The following B4GALT6 variants were observed in gnomAD, a reference collection of about 807,000 sequenced individuals.
B4GALT6 encodes UDP-Gal:beta-GlcNAc beta-1,4-galactosyltransferase 6.
A neutral mutation model predicts 46.3 loss-of-function variants in B4GALT6; 14 were observed. That is an observed-to-expected ratio of 0.30 (90% CI 0.20 to 0.47). The LOEUF (loss-of-function observed/expected upper bound fraction) is 0.47, where lower values mean the gene tolerates loss of function less well. B4GALT6 is among the 20% of genes least tolerant of loss of function. B4GALT6 has a pLI of 0.99. For synonymous variants in B4GALT6, 168 were observed against 162.0 expected (o/e 1.04, Z -0.28); for missense variants, 386 against 480.1 (o/e 0.80, Z 1.83).
At chr18:31,633,779 TC>T (rs780191549) in intron 5 of B4GALT6, among the ~76,000 whole-genome samples, 38 of 151,976 alleles carry the variant, frequency 2.5e-4, no homozygotes, top group Non-Finnish European at 5.0e-4. Context: ...TGATCTCACC[TC>T]CCCAGAGAGG....
chr18:31,628,562 C>T (rs1011832126), intron 6 of B4GALT6, among the ~76,000 whole-genome samples: 14 of 152,218 alleles, frequency 9.2e-5, no homozygotes, highest in African/African-American at 3.1e-4. Context: ...GAAAACAAAA[C>T]CCAACAAGTC....
chr18:31,719,501 G>T, the B4GALT6 span, among the ~76,000 whole-genome samples: 1 of 152,322 alleles, frequency 6.6e-6, no homozygotes, highest in South Asian at 2.1e-4. Flanking sequence ...AAAAGATCAT[G>T]CCCTGTCTGA....
At chr18:31,673,993 C>G (rs531552545) in intron 1 of B4GALT6, among the ~76,000 whole-genome samples, 2 of 152,132 alleles carry the variant, frequency 1.3e-5, no homozygotes, top group Non-Finnish European at 2.9e-5. Context: ...ATGTGGCCAC[C>G]AGGCACCTGA....
At chr18:31,675,360 C>G (rs1348700318) in intron 1 of B4GALT6, among the ~76,000 whole-genome samples, 1 of 152,170 alleles carries the variant, frequency 6.6e-6, no homozygotes, top group Non-Finnish European at 1.5e-5. Context: ...GTTAAGGGGC[C>G]ATCTGGCTTC....
At chr18:31,704,220 GA>G in the B4GALT6 span, among the ~76,000 whole-genome samples, 700 of 149,482 alleles carry the variant, frequency 4.7e-3, 5 homozygotes, top group South Asian at 0.016. Context: ...AAGAACATGA[GA>G]TTTTTTTTTT....
chr18:31,690,001 T>G (rs866707027), upstream of B4GALT6, among the ~76,000 whole-genome samples: 24 of 152,206 alleles, frequency 1.6e-4, no homozygotes, highest in Non-Finnish European at 2.5e-4. Context: ...TCTCGAGAGA[T>G]AGCTTTCTTG....
At chr18:31,626,456 T>C in intron 7 of B4GALT6, 72 bp from the exon 8 acceptor site, 1 of 837,214 alleles carries the variant, frequency 1.2e-6, no homozygotes, top group Non-Finnish European at 1.9e-6. Flanking sequence ...AGTTCAATTT[T>C]AAAACACAAA....
chr18:31,626,048 A>C (rs2073692017), intron 8 of B4GALT6, among the ~76,000 whole-genome samples: 1 of 152,254 alleles, frequency 6.6e-6, no homozygotes, highest in Non-Finnish European at 1.5e-5. Context: ...TAAATAGTTA[A>C]CCGGGCTCTT....
intron 1 of B4GALT6, among the ~76,000 whole-genome samples, chr18:31,673,089 G>A (rs1007481461): frequency 6.6e-6 from 1 of 152,114 alleles, no homozygotes; most frequent in Non-Finnish European, 1.5e-5. Flanking sequence ...CTAGAAGAAA[G>A]GGTGAATAAT....
At chr18:31,638,362 C>A (rs554386447) in intron 5 of B4GALT6, among the ~76,000 whole-genome samples, 2 of 152,114 alleles carry the variant, frequency 1.3e-5, no homozygotes, top group East Asian at 3.9e-4. Context: ...CCTGTATCTA[C>A]TAAAAATATA....
At chr18:31,647,295 CATT>C (rs777145941) in intron 3 of B4GALT6, among the ~76,000 whole-genome samples, 1 of 152,184 alleles carries the variant, frequency 6.6e-6, no homozygotes, top group Non-Finnish European at 1.5e-5. Flanking sequence ...CTGTAATCAT[CATT>C]ATTGTCAGCA....
intron 1 of B4GALT6, among the ~76,000 whole-genome samples, chr18:31,672,728 C>T (rs1296108966): frequency 1.3e-5 from 2 of 152,248 alleles, no homozygotes; most frequent in East Asian, 3.9e-4. Flanking sequence ...CCCCATTTTT[C>T]AGATAAAGAA....
At chr18:31,640,895 A>C (rs2073922346) in intron 4 of B4GALT6, among the ~76,000 whole-genome samples, 1 of 152,256 alleles carries the variant, frequency 6.6e-6, no homozygotes, top group African/African-American at 2.4e-5. Flanking sequence ...AGGATGGAAA[A>C]GTGCTATGAA....
At chr18:31,647,530 C>T (rs1426631022) in intron 3 of B4GALT6, among the ~76,000 whole-genome samples, 2 of 152,092 alleles carry the variant, frequency 1.3e-5, no homozygotes, top group East Asian at 1.9e-4. Flanking sequence ...TGCTTGTTGC[C>T]CTTTGCTCTG....
At chr18:31,679,811 G>C (rs2074459228) in intron 1 of B4GALT6, among the ~76,000 whole-genome samples, 1 of 152,114 alleles carries the variant, frequency 6.6e-6, no homozygotes, top group South Asian at 2.1e-4. Context: ...CCTATTAATA[G>C]CTACCTGAAT....
At chr18:31,657,954 T>C in intron 3 of B4GALT6, 22 bp downstream of exon 3, 1 of 1,573,680 alleles carries the variant, frequency 6.4e-7, no homozygotes, top group Non-Finnish European at 8.7e-7. Flanking sequence ...AACAGTTAAG[T>C]CAAAATTAGA....
chr18:31,651,789 G>C (rs2074071368), intron 3 of B4GALT6, among the ~76,000 whole-genome samples: 1 of 151,390 alleles, frequency 6.6e-6, no homozygotes, highest in African/African-American at 2.4e-5. Context: ...TTCTTTTTTT[G>C]AGATGGAGTC....
rs775418505 is a variant in B4GALT6 at position 31,666,283 on chromosome 18, T to C, written c.205A>G (p.Asn69Asp). The C allele has an allele frequency of 2.5e-6, 4 of 1,603,878 alleles. No homozygotes were observed. The highest frequency in any genetic ancestry group is 1.3e-5 in the African/African-American group (1 of 74,756). Residue 69 changes from asparagine to aspartate, a missense_variant, in exon 2 of 9, where the codon AAT becomes GAT. Transcript: ENST00000306851. The stretch of plus-strand genomic sequence containing the variant: ...GTACCGTTGAGCGTACTGTTTTTAT[T>C]TGTGTACAGCCTGATCATATGACCT... ...TIGHMIRLYT[N>D]KNSTLNGTDY...
chr18:31,679,691 C>T (rs951254337), intron 1 of B4GALT6, among the ~76,000 whole-genome samples: 2 of 152,164 alleles, frequency 1.3e-5, no homozygotes, highest in African/African-American at 4.8e-5. Context: ...GGCAGCACGC[C>T]CTTACTTTCA....
Sources: allele counts gnomAD v4.1 joint callset (sites outside exome capture counted in the v4.1 genomes callset), GRCh38; gene constraint gnomAD v4.1.1; transcripts MANE v1.5; gene names NCBI Gene and HGNC (gene_info 2026-07-23, HGNC 2026-07-21).